The following PCGF3 variants were observed in gnomAD, a reference collection of about 807,000 sequenced individuals.
PCGF3 encodes polycomb group ring finger 3.
Under a neutral mutation model 33.1 loss-of-function variants are expected in PCGF3, and 7 were observed. That is an observed-to-expected ratio of 0.21 (90% CI 0.12 to 0.40). The LOEUF (loss-of-function observed/expected upper bound fraction) is 0.40. Ranked by LOEUF, PCGF3 falls within the 10% of genes least tolerant of loss-of-function variation. The pLI, the probability that PCGF3 is intolerant of heterozygous loss-of-function variation, is 1.00. For synonymous variants in PCGF3, 153 were observed against 121.3 expected, an observed-to-expected ratio of 1.26 and a Z score of -1.72; for missense variants, 211 against 313.3, an observed-to-expected ratio of 0.67 and a Z score of 2.46.
chr4:730,474 G>A (rs560575207), intron 1 of PCGF3, among the ~76,000 whole-genome samples, 156 bp from the exon 2 acceptor site: 1 of 152,160 alleles, frequency 6.6e-6, no homozygotes, highest in East Asian at 1.9e-4. Flanking sequence ...CGTGTCTCCC[G>A]GGTAGAGCCT....
At chr4:712,648 A>G (rs1182193601) in intron 1 of PCGF3, among the ~76,000 whole-genome samples, 1 of 152,098 alleles carries the variant, frequency 6.6e-6, no homozygotes, top group African/African-American at 2.4e-5. Context: ...GGGTTTTGCC[A>G]TGTTGGCCAG....
At chr4:728,069 G>C (rs1051501017) in intron 1 of PCGF3, among the ~76,000 whole-genome samples, 8 of 152,166 alleles carry the variant, frequency 5.3e-5, no homozygotes, top group African/African-American at 1.9e-4. Context: ...TAGGAACTTA[G>C]CAGTTTCACG....
chr4:735,116 T>C, intron 5 of PCGF3, 89 bp downstream of exon 5: 1 of 1,386,480 alleles, frequency 7.2e-7, no homozygotes, highest in Non-Finnish European at 9.9e-7. Flanking sequence ...ATTAGCGCTG[T>C]ACTCCCATCC....
intron 8 of PCGF3, among the ~76,000 whole-genome samples, chr4:760,898 G>A (rs1336557273): frequency 6.6e-6 from 1 of 152,218 alleles, no homozygotes; most frequent in Non-Finnish European, 1.5e-5. Flanking sequence ...AGTCGCTGCT[G>A]TCTCCCCGAG....
intron 9 of PCGF3, chr4:762,005 G>GA (rs1745087706): frequency 1.0e-6 from 1 of 985,276 alleles, no homozygotes; most frequent in Non-Finnish European, 1.2e-6. Flanking sequence ...AATGGACGCA[G>GA]GAGAGGCCAG....
chr4:735,074 T>C lies in PCGF3; in HGVS notation c.206+47T>C, dbSNP rs1450249795. 6 of 1,576,762 alleles carry C rather than the reference T, an allele frequency of 3.8e-6. No homozygotes were observed. The Admixed American group carries it at 9.0e-5, about 24-fold the overall frequency. Reference sequence around the variant, plus strand: ...CCACAGTACGTGGGGTGAGTGCCCCTGGGCGTCTCTGTGTGTGGGCCTTCC... The same window carrying C: ...CCACAGTACGTGGGGTGAGTGCCCCCGGGCGTCTCTGTGTGTGGGCCTTCC... On this transcript the variant is annotated intron_variant, in intron 5 of 10. Coordinates refer to ENST00000362003, the Ensembl canonical transcript of PCGF3.
At chr4:765,971 A>G (rs751851047) in intron 10 of PCGF3, 61 bp from the exon 11 acceptor site, 6 of 1,474,038 alleles carry the variant, frequency 4.1e-6, no homozygotes, top group Non-Finnish European at 5.7e-6. Context: ...TTCCCGATGA[A>G]GTAGGTCCTT....
At position 760,044 on chromosome 4, in the gene PCGF3, C is replaced by T. The variant is rs141783082; in HGVS notation, c.463-1235C>T. 6.5e-4 allele frequency among the ~76,000 whole-genome samples: 99 copies of T among 152,344 alleles called. 1 individual carries two copies. The highest frequency in any genetic ancestry group is 2.3e-3 in the African/African-American group (96 of 41,576). ...TGTGATGCTTGCAGGCGGCCTCGCT[C>T]CATCCCACCCCGGAGCAAGGATGTC... On this transcript the variant is annotated intron_variant, in intron 8 of 10. Transcript: ENST00000362003.
At chr4:715,546 T>G (rs1220165023) in intron 1 of PCGF3, among the ~76,000 whole-genome samples, 48 of 98,536 alleles carry the variant, frequency 4.9e-4, no homozygotes, top group East Asian at 1.1e-3. Flanking sequence ...AGACACTGAG[T>G]GTGAGAACTG....
intron 4 of PCGF3, chr4:734,145 G>A (rs1231708522): frequency 2.7e-5 from 42 of 1,550,460 alleles, no homozygotes; most frequent in Non-Finnish European, 3.4e-5. Flanking sequence ...ACCTTCCAGT[G>A]TGTTCTTCAC....
At chr4:722,425 G>T in intron 1 of PCGF3, 1 of 252,538 alleles carries the variant, frequency 4.0e-6, no homozygotes. Context: ...GGAGTGTTTT[G>T]GGGGTGTCTG....
chr4:735,689 T>C (rs1377528088), intron 5 of PCGF3, among the ~76,000 whole-genome samples: 6 of 152,250 alleles, frequency 3.9e-5, no homozygotes, highest in Admixed American at 2.0e-4. Context: ...CTTTCTGCCA[T>C]GGAGCAGATG....
chr4:743,432 C>A, intron 6 of PCGF3, 42 bp from the exon 7 acceptor site: 2 of 1,144,032 alleles, frequency 1.7e-6, no homozygotes, highest in Non-Finnish European at 1.3e-6. Context: ...TAATAGAATC[C>A]ACTGCCTGTG....
intron 1 of PCGF3, among the ~76,000 whole-genome samples, chr4:712,093 T>C (rs1043335339): frequency 8.5e-5 from 13 of 152,234 alleles, no homozygotes; most frequent in African/African-American, 2.2e-4. Context: ...AGCAAAAATA[T>C]GGTACAATTC....
In PCGF3 at chr4:744,617, G is replaced by A. The variant is rs1456214840; in HGVS notation, c.391G>A (p.Asp131Asn). The A allele has an allele frequency of 3.0e-5, 47 of 1,558,792 alleles. No individual in the cohort carries two copies. Among genetic ancestry groups the A allele is most frequent in the Non-Finnish European group, 3.7e-5 (43 of 1,150,938 alleles). Residue 131 changes from aspartate (D) to asparagine (N), a missense_variant, in exon 8 of 11, where the codon GAC becomes AAC. Asp to Asn is a conservative substitution (Grantham distance 23, BLOSUM62 1). Transcript: ENST00000362003. Reference sequence around the variant, plus strand: ...GCTAAAAGGTGAAACCAAAGCAGACGACAGTTCAAACAAAGAGGCCGCGGA... The same window carrying A: ...GCTAAAAGGTGAAACCAAAGCAGACAACAGTTCAAACAAAGAGGCCGCGGA...
At chr4:712,891 G>C (rs185792849) in intron 1 of PCGF3, among the ~76,000 whole-genome samples, 3 of 152,376 alleles carry the variant, frequency 2.0e-5, no homozygotes, top group African/African-American at 7.2e-5. Context: ...GATGCAAAGA[G>C]GGGAAATCTG....
rs1189886273 is a variant in PCGF3 at position 737,103 on chromosome 4, G to A, written c.207-363G>A. On this transcript the variant is annotated intron_variant, in intron 5 of 10. Coordinates refer to ENST00000362003, the Ensembl canonical transcript of PCGF3. ...CGCGGGGAACCTGGGGTGTCTGCAG[G>A]GACGGTGTCCCCTGAGCGCACGGGA... is the stretch of plus-strand genomic sequence containing the variant. Among the ~76,000 whole-genome samples the A allele has an allele frequency of 4.7e-5, 4 of 85,632 alleles. No homozygotes were observed. The Admixed American group carries it at 4.7e-4, about 10-fold the overall frequency. The allele number at this position is 85,632 out of a possible 152,430, so 56.2% of individuals were successfully genotyped here. A position where few individuals can be genotyped will look rare whatever the true frequency, so the allele number is the denominator to read the frequency against.
chr4:725,767 A>G (rs771964670), intron 1 of PCGF3, among the ~76,000 whole-genome samples: 8 of 151,676 alleles, frequency 5.3e-5, no homozygotes, highest in Non-Finnish European at 7.4e-5. Context: ...TTCTGCTCTT[A>G]TTTGCCCAGG....
At chr4:739,048 G>A (rs1743970366) in intron 6 of PCGF3, among the ~76,000 whole-genome samples, 1 of 152,158 alleles carries the variant, frequency 6.6e-6, no homozygotes, top group Non-Finnish European at 1.5e-5. Flanking sequence ...AAAGGCTGCA[G>A]TACGTATCCC....
Sources: allele counts gnomAD v4.1 joint callset (sites outside exome capture counted in the v4.1 genomes callset), GRCh38; gene constraint gnomAD v4.1.1; transcripts MANE v1.5; gene names NCBI Gene and HGNC (gene_info 2026-07-23, HGNC 2026-07-21).